TSPAN18: variants seen among roughly 807,000 people sequenced by gnomAD.
The protein encoded by TSPAN18 is tetraspanin 18.
Under a neutral mutation model 27.3 loss-of-function variants are expected in TSPAN18, and 14 were observed. The ratio of observed to expected loss-of-function variants is 0.51; its 90% CI spans 0.34 to 0.80. The LOEUF (loss-of-function observed/expected upper bound fraction) is 0.80. TSPAN18 is among the 30% of genes least tolerant of loss of function. The pLI, the probability that TSPAN18 is intolerant of heterozygous loss-of-function variation, is 0.01. For synonymous variants in TSPAN18, 143 were observed against 136.5 expected (o/e 1.05, Z -0.33); for missense variants, 268 against 323.9 (o/e 0.83, Z 1.32).
intron 1 of TSPAN18, among the ~76,000 whole-genome samples, chr11:44,756,322 G>T (rs993888597): frequency 2.8e-5 from 4 of 141,826 alleles, no homozygotes; most frequent in Non-Finnish European, 6.2e-5. Context: ...AGGGAGGGAG[G>T]GAGGGAAGGG....
intron 3 of TSPAN18, among the ~76,000 whole-genome samples, chr11:44,868,386 T>A (rs1486350882): frequency 3.3e-5 from 5 of 152,112 alleles, no homozygotes; most frequent in Non-Finnish European, 7.4e-5. Flanking sequence ...GAGCTGAGTG[T>A]GGAGCTGGGA....
chr11:44,879,524 G>A (rs956606421), intron 3 of TSPAN18, among the ~76,000 whole-genome samples: 1 of 152,246 alleles, frequency 6.6e-6, no homozygotes, highest in African/African-American at 2.4e-5. Flanking sequence ...TCGAATAAAT[G>A]AGCCATGTGG....
intron 3 of TSPAN18, among the ~76,000 whole-genome samples, chr11:44,876,586 A>G (rs368359409): frequency 1.3e-5 from 2 of 152,216 alleles, no homozygotes; most frequent in African/African-American, 4.8e-5. Context: ...AAGAAAAGGT[A>G]TTGCAGGCCC....
At chr11:44,881,413 G>A (rs1858485859) in intron 3 of TSPAN18, among the ~76,000 whole-genome samples, 2 of 152,136 alleles carry the variant, frequency 1.3e-5, no homozygotes, top group South Asian at 2.1e-4. Context: ...ATATCATGAC[G>A]AGAACAGGTC....
intron 3 of TSPAN18, among the ~76,000 whole-genome samples, chr11:44,905,446 T>G (rs1252821880): frequency 2.6e-5 from 4 of 152,244 alleles, no homozygotes; most frequent in African/African-American, 9.6e-5. Flanking sequence ...CATGTCGTTT[T>G]CATTCTGAGT....
chr11:44,801,043 T>C (rs933480222), intron 2 of TSPAN18, among the ~76,000 whole-genome samples: 1 of 152,200 alleles, frequency 6.6e-6, no homozygotes, highest in Non-Finnish European at 1.5e-5. Context: ...TGTACAGTTG[T>C]CCCCTCATAT....
intron 4 of TSPAN18, among the ~76,000 whole-genome samples, chr11:44,909,039 A>G (rs1320547204): frequency 6.6e-6 from 1 of 152,152 alleles, no homozygotes; most frequent in Non-Finnish European, 1.5e-5. Context: ...TTCCAAAGAT[A>G]AATAAGGCAT....
chr11:44,880,675 G>T lies in TSPAN18; in HGVS notation c.-11+20206G>T, dbSNP rs139755543. Among the ~76,000 whole-genome samples, 3 of 152,330 alleles carry T rather than the reference G, an allele frequency of 2.0e-5. No homozygotes were observed. The East Asian group carries it at 5.8e-4, about 29-fold the overall frequency. On this transcript the variant is annotated intron_variant, in intron 3 of 9. Coordinates refer to ENST00000520358, the MANE Select transcript of TSPAN18 (RefSeq NM_130783.5). ...GCCAAAGACCTTCAGAACATGTTAT[G>T]TGGCCAGGGCCAGGTCCTCAGAGCG...
chr11:44,814,743 A>C (rs955241088), intron 2 of TSPAN18, among the ~76,000 whole-genome samples: 3 of 152,206 alleles, frequency 2.0e-5, no homozygotes, highest in Non-Finnish European at 4.4e-5. Context: ...ACAATAGACC[A>C]GCCAACCAGG....
chr11:44,840,612 G>A (rs1372318646), intron 2 of TSPAN18, among the ~76,000 whole-genome samples: 2 of 152,200 alleles, frequency 1.3e-5, no homozygotes, highest in Non-Finnish European at 2.9e-5. Flanking sequence ...ATTCCCATGG[G>A]CAAAGCAAGC....
At chr11:44,816,699 G>T (rs546370222) in intron 2 of TSPAN18, among the ~76,000 whole-genome samples, 1 of 152,310 alleles carries the variant, frequency 6.6e-6, no homozygotes, top group East Asian at 1.9e-4. Context: ...TGCTTTCTCC[G>T]AGCCTGCCTG....
intron 2 of TSPAN18, among the ~76,000 whole-genome samples, chr11:44,836,804 G>T (rs1222930026): frequency 1.3e-5 from 2 of 152,170 alleles, no homozygotes; most frequent in Non-Finnish European, 2.9e-5. Context: ...CACTCTGCTT[G>T]TGCTCTGTAA....
chr11:44,761,574 C>CGAA (rs1554980473), intron 1 of TSPAN18, among the ~76,000 whole-genome samples: 1 of 152,162 alleles, frequency 6.6e-6, no homozygotes, highest in Non-Finnish European at 1.5e-5. Context: ...AAAATTCCAC[C>CGAA]GAAGACGGGA....
At chr11:44,730,061 C>G (rs1425312621) in intron 1 of TSPAN18, among the ~76,000 whole-genome samples, 1 of 152,162 alleles carries the variant, frequency 6.6e-6, no homozygotes, top group African/African-American at 2.4e-5. Flanking sequence ...CAGCCCTGCT[C>G]CATTCCTTCT....
intron 2 of TSPAN18, among the ~76,000 whole-genome samples, chr11:44,855,466 A>G (rs1357854339): frequency 6.6e-6 from 1 of 152,218 alleles, no homozygotes; most frequent in Non-Finnish European, 1.5e-5. Flanking sequence ...CACTATATTC[A>G]AAGTGGTTCT....
intron 3 of TSPAN18, among the ~76,000 whole-genome samples, chr11:44,888,256 TTC>T (rs1296208765): frequency 6.6e-6 from 1 of 152,196 alleles, no homozygotes; most frequent in Non-Finnish European, 1.5e-5. Context: ...GACCCTGTTC[TTC>T]TCTCACCGAC....
intron 2 of TSPAN18, among the ~76,000 whole-genome samples, chr11:44,831,551 G>A (rs2135144510): frequency 6.6e-6 from 1 of 152,270 alleles, no homozygotes; most frequent in Non-Finnish European, 1.5e-5. Flanking sequence ...TGTTTACACG[G>A]CCCCTTCACC....
intron 3 of TSPAN18, among the ~76,000 whole-genome samples, chr11:44,871,107 G>A (rs1858182036): frequency 6.6e-6 from 1 of 152,184 alleles, no homozygotes; most frequent in Non-Finnish European, 1.5e-5. Flanking sequence ...TTTCACAACT[G>A]CTTGAGACTG....
At chr11:44,853,041 G>A (rs572613889) in intron 2 of TSPAN18, among the ~76,000 whole-genome samples, 28 of 152,322 alleles carry the variant, frequency 1.8e-4, no homozygotes, top group Non-Finnish European at 4.1e-4. Context: ...AAATGAAGGA[G>A]GGACTTGGGC....
Sources: gnomAD v4.1 joint callset for allele counts (sites outside exome capture counted in the v4.1 genomes callset) on GRCh38, gnomAD v4.1.1 for gene constraint, MANE v1.5 for transcripts, NCBI Gene and HGNC (gene_info 2026-07-23, HGNC 2026-07-21) for gene names.